The following KLHL32 variants were observed in gnomAD, a reference collection of about 807,000 sequenced individuals.
KLHL32 encodes the protein kelch like family member 32.
KLHL32 carries 35 observed loss-of-function variants against 64.8 expected under a neutral mutation model. The ratio of observed to expected loss-of-function variants is 0.54; its 90% confidence interval spans 0.41 to 0.72. The LOEUF is 0.72. Ranked by LOEUF, KLHL32 falls within the 30% of genes least tolerant of loss-of-function variation. The pLI is 0.00. For synonymous variants in KLHL32, 259 were observed against 281.0 expected, an observed-to-expected ratio of 0.92 and a Z score of 0.78; for missense variants, 589 against 768.5, an observed-to-expected ratio of 0.77 and a Z score of 2.76.
At chr6:97,138,007 T>C (rs1225211139) in intron 10 of KLHL32, among the ~76,000 whole-genome samples, 1 of 152,190 alleles carries the variant, frequency 6.6e-6, no homozygotes, top group East Asian at 1.9e-4. Context: ...TATGATAATG[T>C]CAATGACAAA....
chr6:97,005,786 T>C (rs1362142088), intron 3 of KLHL32, among the ~76,000 whole-genome samples: 2 of 152,168 alleles, frequency 1.3e-5, no homozygotes, highest in Non-Finnish European at 2.9e-5. Flanking sequence ...AATTGTGTGG[T>C]TTTGAGAGAT....
the KLHL32 span, among the ~76,000 whole-genome samples, chr6:96,911,303 C>A: frequency 2.6e-5 from 4 of 152,178 alleles, no homozygotes; most frequent in Admixed American, 6.5e-5. Flanking sequence ...TGTGCACATA[C>A]AGATTACTGC....
intron 8 of KLHL32, 103 bp from the exon 9 acceptor site, chr6:97,130,654 G>C: frequency 1.3e-6 from 1 of 784,484 alleles, no homozygotes; most frequent in Non-Finnish European, 2.0e-6. Context: ...TTGATCTATT[G>C]ATTGATAAAC....
chr6:97,018,429 A>G (rs910112506), intron 3 of KLHL32, among the ~76,000 whole-genome samples: 1 of 151,456 alleles, frequency 6.6e-6, no homozygotes, highest in Non-Finnish European at 1.5e-5. Context: ...TCTACTTAAA[A>G]AAAAAAAAAA....
chr6:97,019,406 A>G (rs555422903), intron 3 of KLHL32, among the ~76,000 whole-genome samples: 1 of 152,330 alleles, frequency 6.6e-6, no homozygotes, highest in East Asian at 1.9e-4. Flanking sequence ...CTCCACAGGG[A>G]ACACAGGAGC....
At chr6:97,078,293 T>C (rs557771721) in intron 5 of KLHL32, among the ~76,000 whole-genome samples, 42 of 152,340 alleles carry the variant, frequency 2.8e-4, no homozygotes, top group African/African-American at 9.6e-4. Flanking sequence ...ACTTCATGTA[T>C]GCTACTACAT....
the KLHL32 span, among the ~76,000 whole-genome samples, chr6:96,901,211 C>T: frequency 1.3e-5 from 2 of 152,144 alleles, no homozygotes; most frequent in African/African-American, 2.4e-5. Flanking sequence ...AGCAAATTAC[C>T]GCAAATGGTT....
the KLHL32 span, among the ~76,000 whole-genome samples, chr6:96,899,160 G>A: frequency 1.3e-5 from 2 of 152,232 alleles, no homozygotes; most frequent in African/African-American, 4.8e-5. Flanking sequence ...TAATTATACT[G>A]AACATTTTTA....
At chr6:97,058,825 T>C (rs1221267304) in intron 4 of KLHL32, among the ~76,000 whole-genome samples, 1 of 150,128 alleles carries the variant, frequency 6.7e-6, no homozygotes, top group African/African-American at 2.5e-5. Flanking sequence ...ACAAGGAGGC[T>C]GGTTGCCACT....
At chr6:96,901,112 C>A in the KLHL32 span, among the ~76,000 whole-genome samples, 5 of 152,168 alleles carry the variant, frequency 3.3e-5, no homozygotes, top group African/African-American at 1.2e-4. Context: ...AATGATCAAC[C>A]AGCAATTATG....
chr6:97,075,756 A>G (rs111876728), intron 5 of KLHL32, among the ~76,000 whole-genome samples: 156 of 152,302 alleles, frequency 1.0e-3, no homozygotes, highest in African/African-American at 3.6e-3. Context: ...TTTATAACTC[A>G]GTTGTAATCA....
the KLHL32 span, among the ~76,000 whole-genome samples, chr6:96,912,645 A>T: frequency 1.1e-4 from 17 of 152,214 alleles, no homozygotes; most frequent in Non-Finnish European, 4.4e-5. Context: ...ACAAAAACCA[A>T]ATGAAAAGAA....
At chr6:97,005,280 A>G (rs1035180899) in intron 3 of KLHL32, among the ~76,000 whole-genome samples, 2 of 152,040 alleles carry the variant, frequency 1.3e-5, no homozygotes, top group Middle Eastern at 3.4e-3. Flanking sequence ...GGTGTTCATA[A>G]TAGTCTCTGA....
At chr6:97,050,331 A>G (rs1428423729) in intron 4 of KLHL32, among the ~76,000 whole-genome samples, 1 of 152,200 alleles carries the variant, frequency 6.6e-6, no homozygotes, top group Non-Finnish European at 1.5e-5. Context: ...ACACCCCAAC[A>G]GGATGTGAAA....
intron 3 of KLHL32, among the ~76,000 whole-genome samples, chr6:97,019,127 A>G (rs1163523087): frequency 6.6e-6 from 1 of 152,252 alleles, no homozygotes; most frequent in Non-Finnish European, 1.5e-5. Flanking sequence ...ATTGTAAAAA[A>G]TACTCTTAAA....
Position 97,127,413 on chromosome 6 carries a change from C to G in KLHL32, c.1364C>G (p.Thr455Ser), listed in dbSNP as rs1296434120. The change falls in exon 8 of 11, where the codon ACT becomes AGT. Residue 455 changes from threonine to serine, a missense_variant. Physicochemically the swap from Thr to Ser is moderately conservative, Grantham distance 58 (BLOSUM62 1). Coordinates refer to ENST00000369261, the MANE Select transcript of KLHL32 (RefSeq NM_052904.4). ...TGTTAATCCATTACAGGTGGAGTAA[C>G]TAATACGGCACAATATCAGAACAGG... Reference protein sequence around the residue: ...DGLLWISGGVTNTAQYQNRLM... With the variant: ...DGLLWISGGVSNTAQYQNRLM... The G allele has an allele frequency of 5.0e-6, 8 of 1,613,014 alleles. No homozygotes were observed. The highest frequency in any genetic ancestry group is 6.8e-6 in the Non-Finnish European group (8 of 1,179,216).
intron 4 of KLHL32, among the ~76,000 whole-genome samples, chr6:97,049,294 G>C (rs1786446550): frequency 6.6e-6 from 1 of 152,144 alleles, no homozygotes; most frequent in African/African-American, 2.4e-5. Flanking sequence ...CCATTATTAA[G>C]TAAAATAAAC....
intron 1 of KLHL32, among the ~76,000 whole-genome samples, chr6:96,925,633 T>G (rs1183518911): frequency 6.6e-6 from 1 of 152,198 alleles, no homozygotes; most frequent in Non-Finnish European, 1.5e-5. Flanking sequence ...TTATTTTAAA[T>G]TAAAAGCAGA....
chr6:97,120,732 G>A (rs976440323), intron 7 of KLHL32, among the ~76,000 whole-genome samples: 9 of 152,162 alleles, frequency 5.9e-5, no homozygotes, highest in Non-Finnish European at 1.0e-4. Flanking sequence ...ATGATGTGAG[G>A]AAGCCACTTG....
Sources: allele counts gnomAD v4.1 joint callset (sites outside exome capture counted in the v4.1 genomes callset), GRCh38; gene constraint gnomAD v4.1.1; transcripts MANE v1.5; gene names NCBI Gene and HGNC (gene_info 2026-07-23, HGNC 2026-07-21).